The following PCDHGA2 variants were observed in gnomAD, a reference collection of about 807,000 sequenced individuals.
PCDHGA2 encodes the protein protocadherin gamma subfamily A, 2, also known as protocadherin gamma-A2.
A neutral mutation model predicts 59.2 loss-of-function variants in PCDHGA2; 40 were observed. That is an observed-to-expected ratio of 0.68 (90% confidence interval 0.52 to 0.88). PCDHGA2 has a LOEUF of 0.88. PCDHGA2 is among the 40% of genes least tolerant of loss of function. The pLI is 0.00. For synonymous variants in PCDHGA2, 560 were observed against 526.0 expected (o/e 1.06, Z -0.89); for missense variants, 1,226 against 1,204.0 (o/e 1.02, Z -0.27).
intron 1 of PCDHGA2, among the ~76,000 whole-genome samples, chr5:141,347,786 C>CAAAAAA (rs1186221035): frequency 9.4e-6 from 1 of 106,298 alleles, no homozygotes. Context: ...GACTCCATCT[C>CAAAAAA]AAAAAAAAAA....
At chr5:141,389,859 C>A (rs1228335415) in intron 1 of PCDHGA2, 1 of 1,614,076 alleles carries the variant, frequency 6.2e-7, no homozygotes, top group Non-Finnish European at 8.5e-7. Flanking sequence ...TGCCACGTTG[C>A]ACCTGGTCTT....
At chr5:141,394,789 C>A (rs747304715) in intron 1 of PCDHGA2, 1 of 1,613,728 alleles carries the variant, frequency 6.2e-7, no homozygotes, top group South Asian at 1.1e-5. Context: ...GCCACTGTCA[C>A]GCTCACCGTA....
Position 141,431,180 on chromosome 5 carries a change from A to C in PCDHGA2, c.2425-63627A>C. The C allele has an allele frequency of 6.2e-7, 1 of 1,614,246 alleles. No homozygotes were observed. The highest frequency in any genetic ancestry group is 8.5e-7 in the Non-Finnish European group (1 of 1,180,044). On this transcript the variant is annotated intron_variant, in intron 1 of 3. Transcript: ENST00000394576. This position sits in a 1 kb window ranked among gnomAD's most constrained non-coding sequence, Gnocchi z 4.8. ...CTTTCGTGAAAGTGAATTAGAAATA[A>C]AAATTAGTGAAAATGCAGCCACTGA...
chr5:141,379,097 A>G (rs1775367339), intron 1 of PCDHGA2: 1 of 152,260 alleles, frequency 6.6e-6, no homozygotes, highest in Non-Finnish European at 1.5e-5. Context: ...ATGTGTAAGA[A>G]AAAAGCAATT....
chr5:141,404,600 CTGTT>C (rs901473063), intron 1 of PCDHGA2: 9 of 1,613,938 alleles, frequency 5.6e-6, no homozygotes, highest in East Asian at 2.2e-5. Flanking sequence ...GTCATTGAGA[CTGTT>C]TGTTTTGGAC....
chr5:141,415,284 G>T (rs186109113), intron 1 of PCDHGA2: 1 of 1,614,198 alleles, frequency 6.2e-7, no homozygotes, highest in East Asian at 2.2e-5. Context: ...CGGTGGCCGC[G>T]GTCTCCTGCG....
In PCDHGA2 at chr5:141,487,598, C is replaced by T. The variant is rs1450685717; in HGVS notation, c.2425-7209C>T. 6.2e-7 allele frequency: 1 copy of T among 1,614,210 alleles called. No homozygotes were observed. The highest frequency in any genetic ancestry group is 8.5e-7 in the Non-Finnish European group (1 of 1,180,046). ...TCGCCCAAGCTGCCCACCCTCTGAT[C>T]TTCTCTATGGGCTAGAGGTGAGACC... is the stretch of plus-strand genomic sequence containing the variant. On this transcript the variant is annotated intron_variant, in intron 1 of 3. Transcript: ENST00000394576. The surrounding 1 kb of genome is among the most constrained non-coding windows in gnomAD (Gnocchi z 5.0).
In PCDHGA2 at chr5:141,340,477, C is replaced by T. The variant is rs1021892731; in HGVS notation, c.1506C>T (p.Ser502=). Residue 502 remains serine, a synonymous_variant, in exon 1 of 4, where the codon TCC becomes TCT. Transcript: ENST00000394576. ...ACACTGTTCAGGGGGCACCCTTATC[C>T]TCTTACATCTCTATCAACTCCGACA... ...AEDTVQGAPL[S]SYISINSDTG... 10 of 1,614,112 alleles carry T rather than the reference C, an allele frequency of 6.2e-6. No individual in the cohort carries two copies. The highest frequency in any genetic ancestry group is 1.7e-5 in the Admixed American group (1 of 60,004).
chr5:141,376,606 A>C (rs1349467952), intron 1 of PCDHGA2: 1 of 1,502,986 alleles, frequency 6.7e-7, no homozygotes, highest in African/African-American at 1.4e-5. Context: ...TATAGAAGCG[A>C]ACCTCTTTTG....
At chr5:141,441,102 C>G (rs1057297804) in intron 1 of PCDHGA2, 1 of 152,148 alleles carries the variant, frequency 6.6e-6, no homozygotes, top group East Asian at 1.9e-4. Context: ...GAGAGGGACT[C>G]ATTGTCCAGT....
At chr5:141,497,827 C>T (rs1390986916) in intron 2 of PCDHGA2, among the ~76,000 whole-genome samples, 3 of 152,188 alleles carry the variant, frequency 2.0e-5, no homozygotes, top group East Asian at 3.9e-4. Flanking sequence ...GGTGTGATCG[C>T]CCCCGGCCAC....
intron 1 of PCDHGA2, chr5:141,356,903 CTACTGATGGCTCCACTGGTGTGGAG>C: frequency 6.2e-7 from 1 of 1,614,244 alleles, no homozygotes; most frequent in Non-Finnish European, 8.5e-7. Context: ...CCCACCTTCC[CTACTGATGGCTCCACTGGTGTGGAG>C]CTGGCACCCC....
At chr5:141,393,747 T>C (rs1375394315) in intron 1 of PCDHGA2, 1 of 1,613,866 alleles carries the variant, frequency 6.2e-7, no homozygotes, top group Admixed American at 1.7e-5. Flanking sequence ...TTATGAAGAA[T>C]GTTCATTTTA....
At chr5:141,359,008 G>C (rs1212259195) in intron 1 of PCDHGA2, among the ~76,000 whole-genome samples, 1 of 152,230 alleles carries the variant, frequency 6.6e-6, no homozygotes, top group Non-Finnish European at 1.5e-5. Flanking sequence ...ACACAAATTA[G>C]TGTAATTTGA....
At chr5:141,427,100 T>G (rs1270371842) in intron 1 of PCDHGA2, 1 of 458,010 alleles carries the variant, frequency 2.2e-6, no homozygotes, top group Non-Finnish European at 4.4e-6. Flanking sequence ...AGGGTGTCAA[T>G]GCGGAGATCA....
chr5:141,500,186 T>A (rs1008615587), intron 2 of PCDHGA2, among the ~76,000 whole-genome samples: 7 of 99,362 alleles, frequency 7.0e-5, no homozygotes, highest in African/African-American at 3.5e-4. Flanking sequence ...ATTTTTATTT[T>A]TATTTATTTA....
intron 1 of PCDHGA2, among the ~76,000 whole-genome samples, chr5:141,467,305 G>A (rs535466592): frequency 1.3e-5 from 2 of 152,078 alleles, no homozygotes; most frequent in African/African-American, 4.8e-5. Flanking sequence ...CACTCACCTC[G>A]GCCTCCCACA....
intron 1 of PCDHGA2, chr5:141,382,648 G>A (rs1561591657): frequency 2.5e-6 from 1 of 403,370 alleles, no homozygotes; most frequent in Non-Finnish European, 4.4e-6. Flanking sequence ...CAGTAACTTA[G>A]TAAGGACTCA....
intron 1 of PCDHGA2, chr5:141,440,247 T>C (rs1158469276): frequency 1.3e-5 from 2 of 152,296 alleles, no homozygotes; most frequent in Non-Finnish European, 2.9e-5. Context: ...GGCGAGCAGA[T>C]TACGAGGTCA....
Sources: gnomAD v4.1 joint callset for allele counts (sites outside exome capture counted in the v4.1 genomes callset) on GRCh38, gnomAD v4.1.1 for gene constraint, Gnocchi (gnomAD v3.1) non-coding constraint, MANE v1.5 for transcripts, NCBI Gene and HGNC (gene_info 2026-07-23, HGNC 2026-07-21) for gene names.